The following ATXN7L1 variants were observed in gnomAD, a reference collection of about 807,000 sequenced individuals.
ATXN7L1 encodes the protein ataxin-7-like protein 1.
Under a neutral mutation model 70.8 loss-of-function variants are expected in ATXN7L1, and 15 were observed. The observed-to-expected ratio is 0.21, with a 90% CI of 0.14 to 0.33. The LOEUF is 0.33. Ranked by LOEUF, ATXN7L1 falls within the 10% of genes least tolerant of loss-of-function variation. The pLI is 1.00. For missense variants in ATXN7L1, 975 were observed against 1,097.1 expected (o/e 0.89, Z 1.57); for synonymous variants, 440 against 445.1 (o/e 0.99, Z 0.14).
chr7:105,696,177 G>A (rs765469605), intron 3 of ATXN7L1, among the ~76,000 whole-genome samples: 1 of 152,200 alleles, frequency 6.6e-6, no homozygotes, highest in African/African-American at 2.4e-5. Flanking sequence ...TGACTGTTAT[G>A]AAGGTCATGA....
intron 3 of ATXN7L1, among the ~76,000 whole-genome samples, chr7:105,685,087 A>AT (rs10678549): frequency 4.7e-4 from 68 of 145,910 alleles, no homozygotes; most frequent in African/African-American, 1.7e-3. Flanking sequence ...AATAATAATA[A>AT]ATGGTTTTCC....
rs1227219435 is a variant in ATXN7L1, at chr7:105,614,823, A to G, written c.1518-7T>C. The G allele has an allele frequency of 2.6e-6, 4 of 1,544,620 alleles. No individual in the cohort carries two copies. The highest frequency in any genetic ancestry group is 2.6e-6 in the Non-Finnish European group (3 of 1,142,724). On this transcript the variant is annotated splice_region_variant and splice_polypyrimidine_tract_variant and intron_variant, in intron 9 of 11. Transcript: ENST00000419735. The surrounding 1 kb of genome is among the most constrained non-coding windows in gnomAD (Gnocchi z 4.3). The stretch of plus-strand genomic sequence containing the variant: ...TGCCGCAGGAGGGATCTTCCTAAAC[A>G]TGAGAGAAGAGTGAAAGAGAATCAG...
At chr7:105,819,466 T>C in intron 2 of ATXN7L1, 1 of 622,310 alleles carries the variant, frequency 1.6e-6, no homozygotes, top group Non-Finnish European at 2.8e-6. Flanking sequence ...AAAAAAAGAG[T>C]GTCCTTTCCC....
intron 7 of ATXN7L1, 92 bp downstream of exon 7, chr7:105,638,261 A>T: frequency 7.1e-7 from 1 of 1,411,838 alleles, no homozygotes; most frequent in South Asian, 1.5e-5. Context: ...TATGATTTCC[A>T]TTTAACATAT....
chr7:105,641,301 C>G (rs1263877372), intron 5 of ATXN7L1, among the ~76,000 whole-genome samples: 1 of 119,474 alleles, frequency 8.4e-6, no homozygotes, highest in Non-Finnish European at 1.7e-5. Flanking sequence ...GCTCGGAGCC[C>G]TCTCTGGCCA....
chr7:105,605,041 G>A lies in ATXN7L1; in HGVS notation c.*2811C>T, dbSNP rs1262482670. On this transcript the variant is annotated 3_prime_UTR_variant, in exon 12 of 12. Transcript: ENST00000419735. ...AGAAGGCATACAAGTTATCCAAGTC[G>A]CTTTTTTTTTTTTTTTTTTTTTTTT... 4 of 58,774 alleles carry A rather than the reference G, an allele frequency of 6.8e-5. No individual in the cohort carries two copies. Among genetic ancestry groups the A allele is most frequent in the Non-Finnish European group, 1.1e-4 (3 of 26,632 alleles). The allele number at this position is 58,774 out of a possible 1,614,324, so 3.6% of individuals were successfully genotyped here.
At chr7:105,760,713 T>C (rs1051350192) in intron 3 of ATXN7L1, 1 of 289,404 alleles carries the variant, frequency 3.5e-6, no homozygotes, top group Admixed American at 6.5e-5. Context: ...TTGTGAAAAT[T>C]AGGGGAGTCT....
chr7:105,653,768 TCTC>T (rs1313077326), intron 4 of ATXN7L1, among the ~76,000 whole-genome samples: 1 of 151,838 alleles, frequency 6.6e-6, no homozygotes, highest in Non-Finnish European at 1.5e-5. Flanking sequence ...CCAGCCACCT[TCTC>T]CTGTAGCCTC....
At chr7:105,836,869 C>T (rs1004621566) in intron 2 of ATXN7L1, among the ~76,000 whole-genome samples, 1 of 152,080 alleles carries the variant, frequency 6.6e-6, no homozygotes, top group African/African-American at 2.4e-5. Context: ...ACCAGCCTGG[C>T]CAAAATGGCA....
rs889577588 is a variant in ATXN7L1, at chr7:105,677,701, A to T, written c.356-12413T>A. ...GTCCATTAAAAACACACACACAGGT[A>T]GTAGCTTTCCTCAGTAGGCAGTTCT... On this transcript the variant is annotated intron_variant, in intron 3 of 11. Coordinates refer to ENST00000419735, the MANE Select transcript of ATXN7L1 (RefSeq NM_020725.2). Among the ~76,000 whole-genome samples the T allele has an allele frequency of 3.3e-5, 5 of 152,234 alleles. No homozygotes were observed. In the East Asian group the frequency reaches 9.6e-4, roughly 29 times the overall value.
chr7:105,712,750 A>G (rs1794083671), intron 3 of ATXN7L1, among the ~76,000 whole-genome samples: 1 of 152,214 alleles, frequency 6.6e-6, no homozygotes, highest in South Asian at 2.1e-4. Flanking sequence ...GTCAAAAACC[A>G]TTCAACAAGT....
At chr7:105,841,076 G>A (rs1433525509) in intron 2 of ATXN7L1, among the ~76,000 whole-genome samples, 1 of 152,206 alleles carries the variant, frequency 6.6e-6, no homozygotes, top group Non-Finnish European at 1.5e-5. Flanking sequence ...GCTAATATCT[G>A]AGACAGGAGC....
Position 105,620,336 on chromosome 7 carries a change from AAATTTT to A in ATXN7L1, c.1396-21_1396-16del, listed in dbSNP as rs773394723. The A allele has an allele frequency of 3.9e-6, 6 of 1,536,702 alleles. No homozygotes were observed. In the South Asian group the frequency reaches 7.4e-5, roughly 19 times the overall value. On this transcript the variant is annotated splice_polypyrimidine_tract_variant and intron_variant, in intron 8 of 11. Transcript: ENST00000419735. ...AATGAGCAAAACTGTGAGGAAAAAA[AAATTTT>A]AATTTTGATTACAGGTTAATAAGCT...
intron 3 of ATXN7L1, among the ~76,000 whole-genome samples, chr7:105,758,411 G>A (rs535296853): frequency 6.6e-6 from 1 of 152,282 alleles, no homozygotes; most frequent in Admixed American, 6.5e-5. Flanking sequence ...AGCTAGACAA[G>A]GCTGGCTGAG....
At chr7:105,807,582 C>A (rs934375153) in intron 2 of ATXN7L1, among the ~76,000 whole-genome samples, 2 of 152,242 alleles carry the variant, frequency 1.3e-5, no homozygotes, top group African/African-American at 2.4e-5. Flanking sequence ...ACATGACTTA[C>A]TTTGGCCAAC....
intron 3 of ATXN7L1, among the ~76,000 whole-genome samples, chr7:105,694,737 G>A (rs1333000046): frequency 6.6e-6 from 1 of 152,190 alleles, no homozygotes; most frequent in Non-Finnish European, 1.5e-5. Context: ...GGGCCACACT[G>A]CAAACCACAA....
intron 4 of ATXN7L1, among the ~76,000 whole-genome samples, chr7:105,661,240 G>A (rs2116041381): frequency 6.6e-6 from 1 of 152,238 alleles, no homozygotes; most frequent in East Asian, 1.9e-4. Flanking sequence ...TTATAGAGTT[G>A]GCACACAGTA....
At chr7:105,814,019 T>G (rs1808827772) in intron 2 of ATXN7L1, among the ~76,000 whole-genome samples, 2 of 152,188 alleles carry the variant, frequency 1.3e-5, no homozygotes, top group South Asian at 4.1e-4. Context: ...TTCCTCCATT[T>G]CACCTTACAC....
In ATXN7L1 at chr7:105,836,186, G is replaced by C. The variant is rs1014210642; in HGVS notation, c.250+39626C>G. ...TGGCACTGGGCTATGGGGGACCAGA[G>C]ATGAAACCCACAGGAACCCCAAACT... On this transcript the variant is annotated intron_variant, in intron 2 of 11. Coordinates refer to ENST00000419735, the MANE Select transcript of ATXN7L1 (RefSeq NM_020725.2). 3.3e-5 allele frequency among the ~76,000 whole-genome samples: 5 copies of C among 152,316 alleles called. No individual in the cohort carries two copies. The South Asian group carries it at 8.3e-4, about 25-fold the overall frequency.
Sources: allele counts gnomAD v4.1 joint callset (sites outside exome capture counted in the v4.1 genomes callset), GRCh38; gene constraint gnomAD v4.1.1; non-coding constraint Gnocchi (gnomAD v3.1); transcripts MANE v1.5; gene names NCBI Gene and HGNC (gene_info 2026-07-23, HGNC 2026-07-21).